Variants in CENPQ observed in about 807,000 individuals in gnomAD.
CENPQ encodes the protein centromere protein Q, also known as chromosome 6 open reading frame 139.
A neutral mutation model predicts 36.6 loss-of-function variants in CENPQ; 27 were observed. That is an observed-to-expected ratio of 0.74 (90% CI 0.54 to 1.02). CENPQ has a LOEUF of 1.02. CENPQ is among the 50% of genes least tolerant of loss of function. The pLI is 0.00. For missense variants in CENPQ, 306 were observed against 301.8 expected, an observed-to-expected ratio of 1.01 and a Z score of -0.10; for synonymous variants, 101 against 101.7, an observed-to-expected ratio of 0.99 and a Z score of 0.04.
rs562491785 is a variant in CENPQ at position 49,492,020 on chromosome 6, G to A, written c.676-124G>A. 5.2e-4 allele frequency: 368 copies of A among 711,892 alleles called. 4 individuals are homozygous for A. In the South Asian group the frequency reaches 6.8e-3, roughly 13 times the overall value. The allele number at this position is 711,892 out of a possible 1,614,324, so 44.1% of individuals were successfully genotyped here. On this transcript the variant is annotated intron_variant, in intron 8 of 8. Coordinates refer to ENST00000335783, the MANE Select transcript of CENPQ (RefSeq NM_018132.4). Reference sequence around the variant, plus strand: ...AGATTTGAAAGAAGAATGGCGATTCGTTGACAATTATTGAAGTTGGATGAT... The same window carrying A: ...AGATTTGAAAGAAGAATGGCGATTCATTGACAATTATTGAAGTTGGATGAT...
chr6:49,477,275 A>G lies in CENPQ; in HGVS notation c.348-3676A>G, dbSNP rs61319327. ...ATGAGTTCATGTCCTTTGTAGGGAC[A>G]TGGATGAAGCTGGAAACCATCATTC... On this transcript the variant is annotated intron_variant, in intron 5 of 8. Coordinates refer to ENST00000335783, the MANE Select transcript of CENPQ (RefSeq NM_018132.4). Among the ~76,000 whole-genome samples the G allele has an allele frequency of 5.5e-3, 839 of 152,230 alleles. 6 individuals carry two copies. Among genetic ancestry groups the G allele is most frequent in the African/African-American group, 0.019 (797 of 41,536 alleles).
At chr6:49,487,651 A>G (rs1387604616) in intron 6 of CENPQ, among the ~76,000 whole-genome samples, 2 of 152,120 alleles carry the variant, frequency 1.3e-5, no homozygotes, top group East Asian at 1.9e-4. Flanking sequence ...CATACAGGCA[A>G]TGTTATCATT....
chr6:49,465,566 A>G (rs187994027), intron 1 of CENPQ, among the ~76,000 whole-genome samples: 20 of 152,348 alleles, frequency 1.3e-4, no homozygotes, highest in Admixed American at 1.2e-3. Flanking sequence ...TATCTTACCT[A>G]GAACTGGATA....
At chr6:49,477,039 A>G (rs1768310292) in intron 5 of CENPQ, among the ~76,000 whole-genome samples, 1 of 152,332 alleles carries the variant, frequency 6.6e-6, no homozygotes, top group South Asian at 2.1e-4. Context: ...AGAACTAGAA[A>G]TACCATTTGA....
chr6:49,470,017 C>A (rs1390197864), intron 1 of CENPQ, 142 bp from the exon 2 acceptor site: 8 of 490,038 alleles, frequency 1.6e-5, no homozygotes, highest in Non-Finnish European at 1.8e-5. Flanking sequence ...TATCCCCAAA[C>A]TTTTATTATG....
intron 1 of CENPQ, among the ~76,000 whole-genome samples, chr6:49,465,053 A>G (rs770150106): frequency 1.3e-5 from 2 of 152,252 alleles, no homozygotes; most frequent in African/African-American, 4.8e-5. Context: ...TATTTCTTAA[A>G]TAATATAACT....
At chr6:49,474,752 A>G (rs1768237888) in intron 5 of CENPQ, among the ~76,000 whole-genome samples, 1 of 152,206 alleles carries the variant, frequency 6.6e-6, no homozygotes, top group South Asian at 2.1e-4. Context: ...AACAAAATTG[A>G]TAGACCACTA....
At chr6:49,480,113 T>A (rs1234014477) in intron 5 of CENPQ, among the ~76,000 whole-genome samples, 5 of 152,168 alleles carry the variant, frequency 3.3e-5, no homozygotes, top group Admixed American at 6.5e-5. Context: ...GATTTTTTTT[T>A]AATTAAGATT....
At position 49,488,700 on chromosome 6, in the gene CENPQ, C is replaced by A; in HGVS notation, c.675+16C>A. On this transcript the variant is annotated intron_variant, in intron 8 of 8. Transcript: ENST00000335783. ...CACACTTCAGGTAAGTGCCTATTTA[C>A]CATATTGATTACAGGCATACTTTAG... The A allele has an allele frequency of 6.3e-7, 1 of 1,598,044 alleles. No individual in the cohort carries two copies. Among genetic ancestry groups the A allele is most frequent in the Non-Finnish European group, 8.6e-7 (1 of 1,165,752 alleles).
At chr6:49,483,784 C>T (rs575153312) in intron 6 of CENPQ, among the ~76,000 whole-genome samples, 259 of 152,348 alleles carry the variant, frequency 1.7e-3, no homozygotes, top group Non-Finnish European at 2.4e-3. Flanking sequence ...CCCCGGTTCC[C>T]GCTCGCGCCT....
intron 8 of CENPQ, 27 bp from the exon 9 acceptor site, chr6:49,492,117 C>T: frequency 3.2e-6 from 5 of 1,559,554 alleles, no homozygotes; most frequent in Non-Finnish European, 4.4e-6. Flanking sequence ...ATGTTAACAA[C>T]TACATTTAAT....
At chr6:49,465,022 C>A (rs1271440422) in intron 1 of CENPQ, among the ~76,000 whole-genome samples, 2 of 152,214 alleles carry the variant, frequency 1.3e-5, no homozygotes, top group Admixed American at 6.5e-5. Context: ...CTGTCTAGGG[C>A]AGCTATAGCT....
intron 5 of CENPQ, among the ~76,000 whole-genome samples, chr6:49,478,792 A>G (rs1056197205): frequency 5.3e-5 from 8 of 152,180 alleles, no homozygotes; most frequent in Non-Finnish European, 8.8e-5. Flanking sequence ...AAACAAAACT[A>G]TTCGCCATTA....
chr6:49,484,588 A>G (rs757917914), intron 6 of CENPQ, among the ~76,000 whole-genome samples: 1 of 152,244 alleles, frequency 6.6e-6, no homozygotes, highest in Non-Finnish European at 1.5e-5. Flanking sequence ...ACAAGGTGGT[A>G]GTAGTTTCTG....
chr6:49,469,675 G>A (rs1338051627), intron 1 of CENPQ, among the ~76,000 whole-genome samples: 1 of 152,102 alleles, frequency 6.6e-6, no homozygotes, highest in Non-Finnish European at 1.5e-5. Context: ...TAGATTGATG[G>A]TATAATCCTA....
intron 5 of CENPQ, among the ~76,000 whole-genome samples, chr6:49,478,280 G>A (rs1581849955): frequency 6.6e-6 from 1 of 152,136 alleles, no homozygotes; most frequent in Non-Finnish European, 1.5e-5. Flanking sequence ...GTAACCTATG[G>A]TGAATTATAT....
chr6:49,474,406 C>A (rs1225348735), intron 5 of CENPQ, among the ~76,000 whole-genome samples: 1 of 152,086 alleles, frequency 6.6e-6, no homozygotes, highest in Non-Finnish European at 1.5e-5. Flanking sequence ...ACAACCTGCT[C>A]CTGAATGACT....
At chr6:49,472,735 A>T (rs899081770) in intron 4 of CENPQ, 55 bp from the exon 5 acceptor site, 1 of 1,318,400 alleles carries the variant, frequency 7.6e-7, no homozygotes, top group Non-Finnish European at 1.0e-6. Flanking sequence ...AAGTACAAAG[A>T]GTATATGATT....
intron 5 of CENPQ, among the ~76,000 whole-genome samples, chr6:49,479,511 G>C (rs1768380256): frequency 6.6e-6 from 1 of 152,142 alleles, no homozygotes; most frequent in Admixed American, 6.5e-5. Flanking sequence ...CAAGAAAAGG[G>C]AATGCTTATA....
Sources: allele counts gnomAD v4.1 joint callset (sites outside exome capture counted in the v4.1 genomes callset), GRCh38; gene constraint gnomAD v4.1.1; transcripts MANE v1.5; gene names NCBI Gene and HGNC (gene_info 2026-07-23, HGNC 2026-07-21).